The following SORBS2 variants were observed in gnomAD, a reference collection of about 807,000 sequenced individuals.
SORBS2 encodes sorbin and SH3 domain-containing protein 2.
Under a neutral mutation model 97.7 loss-of-function variants are expected in SORBS2, and 46 were observed. The observed-to-expected ratio is 0.47, with a 90% CI of 0.37 to 0.60. The LOEUF (loss-of-function observed/expected upper bound fraction) is 0.60, where lower values mean the gene tolerates loss of function less well. Among genes scored for constraint, SORBS2 ranks in the 20% least tolerant of loss-of-function variants. The pLI, the probability that SORBS2 is intolerant of heterozygous loss-of-function variation, is 0.00. For missense variants in SORBS2, 1,316 were observed against 1,282.3 expected, an observed-to-expected ratio of 1.03 and a Z score of -0.40; for synonymous variants, 476 against 473.4, an observed-to-expected ratio of 1.01 and a Z score of -0.07.
chr4:185,778,938 C>A (rs1268166429), intron 1 of SORBS2, among the ~76,000 whole-genome samples: 1 of 152,188 alleles, frequency 6.6e-6, no homozygotes, highest in African/African-American at 2.4e-5. Flanking sequence ...TAAACGAGCA[C>A]GCCAACTTTA....
chr4:185,837,684 T>C (rs1012854831), intron 1 of SORBS2, among the ~76,000 whole-genome samples: 3 of 152,218 alleles, frequency 2.0e-5, no homozygotes, highest in Admixed American at 6.5e-5. Context: ...AATGTAACTG[T>C]GACAGGCTGA....
chr4:185,609,140 AC>A (rs1232297362), intron 12 of SORBS2, among the ~76,000 whole-genome samples: 2 of 152,140 alleles, frequency 1.3e-5, no homozygotes, highest in Admixed American at 1.3e-4. Flanking sequence ...GCCTAGGTAG[AC>A]AGCCACTCCT....
chr4:185,613,505 G>A (rs1000090978), intron 11 of SORBS2, among the ~76,000 whole-genome samples: 2 of 151,528 alleles, frequency 1.3e-5, no homozygotes, highest in African/African-American at 2.4e-5. Flanking sequence ...AAAATTAGCC[G>A]GGTGTGGTGG....
At chr4:185,829,926 A>G (rs1166926503) in intron 1 of SORBS2, among the ~76,000 whole-genome samples, 1 of 152,232 alleles carries the variant, frequency 6.6e-6, no homozygotes, top group Non-Finnish European at 1.5e-5. Flanking sequence ...TTCAGCTCAA[A>G]TGACTTTACT....
rs199817886 is a variant in SORBS2, at chr4:185,662,086, G to T, written c.94+18C>A. 1 of 1,613,310 alleles carries T rather than the reference G, an allele frequency of 6.2e-7. No homozygotes were observed. On this transcript the variant is annotated intron_variant, in intron 5 of 20. Transcript: ENST00000284776. The stretch of plus-strand genomic sequence containing the variant: ...GCATTGAGGTTGCCATGGAAATCAC[G>T]GTGAGTAAATTACTTACCGAGGGAT...
intron 12 of SORBS2, among the ~76,000 whole-genome samples, chr4:185,611,396 TA>T (rs1385517839): frequency 4.0e-5 from 6 of 151,394 alleles, no homozygotes; most frequent in African/African-American, 1.5e-4. Context: ...TATTTATATG[TA>T]AAGATTATAT....
At chr4:185,819,149 C>G (rs1042079708) in intron 1 of SORBS2, among the ~76,000 whole-genome samples, 4 of 152,178 alleles carry the variant, frequency 2.6e-5, no homozygotes, top group African/African-American at 9.7e-5. Flanking sequence ...ACAGGGCTTA[C>G]AAGAGACAGA....
intron 1 of SORBS2, among the ~76,000 whole-genome samples, chr4:185,822,326 C>G (rs2099197260): frequency 1.3e-5 from 2 of 152,298 alleles, no homozygotes; most frequent in South Asian, 4.1e-4. Context: ...AGGCCTGGAG[C>G]TCTGTATTCC....
chr4:185,726,960 T>C (rs1371028031), intron 2 of SORBS2, among the ~76,000 whole-genome samples: 1 of 152,152 alleles, frequency 6.6e-6, no homozygotes, highest in African/African-American at 2.4e-5. Context: ...TTGGGTTGCC[T>C]TGTTTTATAT....
chr4:185,941,266 G>C (rs977890885), intron 1 of SORBS2, among the ~76,000 whole-genome samples: 7 of 152,158 alleles, frequency 4.6e-5, no homozygotes, highest in African/African-American at 1.7e-4. Context: ...GGCAGGAAAA[G>C]GTTAACTGTC....
At chr4:185,773,676 G>A (rs2098984991) in intron 2 of SORBS2, 1 of 152,248 alleles carries the variant, frequency 6.6e-6, no homozygotes, top group Admixed American at 6.5e-5. Flanking sequence ...ACCTTCAACA[G>A]AACACGCAGG....
At chr4:185,830,517 G>A (rs2099204566) in intron 1 of SORBS2, among the ~76,000 whole-genome samples, 1 of 152,190 alleles carries the variant, frequency 6.6e-6, no homozygotes, top group African/African-American at 2.4e-5. Context: ...TATCTTTTGT[G>A]TGTTGGAAGA....
At chr4:185,664,460 G>T (rs999965571) in intron 4 of SORBS2, among the ~76,000 whole-genome samples, 3 of 152,126 alleles carry the variant, frequency 2.0e-5, no homozygotes, top group Admixed American at 1.3e-4. Flanking sequence ...TAAAGGTCCT[G>T]GTAAAGTTTT....
chr4:185,600,404 T>G (rs2096233427), intron 12 of SORBS2, among the ~76,000 whole-genome samples: 1 of 152,212 alleles, frequency 6.6e-6, no homozygotes, highest in Non-Finnish European at 1.5e-5. Flanking sequence ...AATGGCACAG[T>G]CTCGGCTCAC....
intron 1 of SORBS2, among the ~76,000 whole-genome samples, chr4:185,872,881 G>A (rs1414620440): frequency 1.3e-5 from 2 of 152,162 alleles, no homozygotes; most frequent in Admixed American, 1.3e-4. Flanking sequence ...TGCTGTGACT[G>A]ATCTCACCTT....
At chr4:185,674,422 G>A (rs2097763906) in intron 4 of SORBS2, among the ~76,000 whole-genome samples, 2 of 152,028 alleles carry the variant, frequency 1.3e-5, no homozygotes, top group South Asian at 2.1e-4. Context: ...CCTGCTTTGA[G>A]CCCCATCATT....
intron 5 of SORBS2, 91 bp from the exon 18 acceptor site, chr4:185,627,110 C>A: frequency 9.3e-7 from 1 of 1,076,794 alleles, no homozygotes; most frequent in Non-Finnish European, 1.4e-6. Flanking sequence ...GTGACAATGG[C>A]GTAACTCCTA....
chr4:185,835,812 T>C (rs562787678), intron 1 of SORBS2, among the ~76,000 whole-genome samples: 1 of 152,188 alleles, frequency 6.6e-6, no homozygotes, highest in Non-Finnish European at 1.5e-5. Context: ...GGAGACTTAC[T>C]TTCCCAAGAT....
chr4:185,824,104 G>A (rs1364683102), intron 1 of SORBS2, among the ~76,000 whole-genome samples: 1 of 152,132 alleles, frequency 6.6e-6, no homozygotes, highest in Admixed American at 6.5e-5. Context: ...CCCAAACCGG[G>A]TGGCTTCAAA....
Sources: allele counts gnomAD v4.1 joint callset (sites outside exome capture counted in the v4.1 genomes callset), GRCh38; gene constraint gnomAD v4.1.1; transcripts MANE v1.5; gene names NCBI Gene and HGNC (gene_info 2026-07-23, HGNC 2026-07-21).